The following KCNIP4 variants were observed in gnomAD, a reference collection of about 807,000 sequenced individuals.
KCNIP4 encodes the protein Kv channel-interacting protein 4.
KCNIP4 carries 12 observed loss-of-function variants against 34.0 expected under a neutral mutation model. The ratio of observed to expected loss-of-function variants is 0.35; its 90% CI spans 0.23 to 0.57. The LOEUF (loss-of-function observed/expected upper bound fraction) is 0.57. Ranked by LOEUF, KCNIP4 falls within the 20% of genes least tolerant of loss-of-function variation. KCNIP4 has a pLI of 0.83. For missense variants in KCNIP4, 238 were observed against 311.7 expected (o/e 0.76, Z 1.78); for synonymous variants, 124 against 102.2 (o/e 1.21, Z -1.29).
chr4:21,233,368 T>G (rs1460004930), intron 1 of KCNIP4, among the ~76,000 whole-genome samples: 2 of 152,052 alleles, frequency 1.3e-5, no homozygotes, highest in African/African-American at 4.8e-5. Flanking sequence ...TCCTCACTGT[T>G]TAACAGATAC....
intron 1 of KCNIP4, among the ~76,000 whole-genome samples, chr4:21,199,322 A>T (rs1007573742): frequency 6.6e-6 from 1 of 152,210 alleles, no homozygotes; most frequent in Non-Finnish European, 1.5e-5. Flanking sequence ...TCTGATGGCC[A>T]GTGATGATGA....
chr4:21,620,705 G>A (rs1443051180), intron 1 of KCNIP4, among the ~76,000 whole-genome samples: 2 of 152,178 alleles, frequency 1.3e-5, no homozygotes, highest in Non-Finnish European at 2.9e-5. Flanking sequence ...TTCCAACTAA[G>A]CCCAAACTGT....
chr4:21,875,983 A>G (rs188107909), intron 1 of KCNIP4, among the ~76,000 whole-genome samples: 2 of 152,296 alleles, frequency 1.3e-5, no homozygotes, highest in East Asian at 1.9e-4. Flanking sequence ...AGAAAAATCA[A>G]TTTAAGTTCT....
intron 1 of KCNIP4, among the ~76,000 whole-genome samples, chr4:21,569,383 T>C (rs1489040924): frequency 6.6e-6 from 1 of 151,750 alleles, no homozygotes; most frequent in Non-Finnish European, 1.5e-5. Flanking sequence ...TAAAACTGCT[T>C]ACCATGAGTG....
intron 1 of KCNIP4, among the ~76,000 whole-genome samples, chr4:21,365,488 A>AATAAATAAATAAATAG (rs1317359951): frequency 2.9e-5 from 3 of 102,796 alleles, no homozygotes; most frequent in African/African-American, 1.2e-4. Context: ...AAAATAAATA[A>AATAAATAAATAAATAG]ATAAATAAAT....
intron 1 of KCNIP4, among the ~76,000 whole-genome samples, chr4:21,099,944 T>C (rs893446252): frequency 6.6e-6 from 1 of 152,148 alleles, no homozygotes; most frequent in African/African-American, 2.4e-5. Context: ...ACTGAATATG[T>C]TACTGAGTTT....
intron 1 of KCNIP4, among the ~76,000 whole-genome samples, chr4:21,507,066 G>C (rs1400480388): frequency 6.6e-6 from 1 of 151,930 alleles, no homozygotes; most frequent in African/African-American, 2.4e-5. Flanking sequence ...ATCATTACAG[G>C]TGTGAGCCAC....
At chr4:21,725,495 T>A (rs1040828690) in intron 1 of KCNIP4, among the ~76,000 whole-genome samples, 25 of 152,308 alleles carry the variant, frequency 1.6e-4, no homozygotes, top group African/African-American at 5.5e-4. Flanking sequence ...AAGACACAAT[T>A]GCTATCTATG....
At chr4:21,434,458 C>A (rs1221094997) in intron 1 of KCNIP4, among the ~76,000 whole-genome samples, 3 of 152,038 alleles carry the variant, frequency 2.0e-5, no homozygotes, top group Non-Finnish European at 4.4e-5. Context: ...ACATTAGCAT[C>A]ATGTAACATT....
chr4:21,066,494 C>A (rs1577628605), intron 1 of KCNIP4, among the ~76,000 whole-genome samples: 1 of 152,254 alleles, frequency 6.6e-6, no homozygotes, highest in East Asian at 1.9e-4. Context: ...TCTTTAATCA[C>A]CTATACCATC....
intron 1 of KCNIP4, among the ~76,000 whole-genome samples, chr4:20,959,729 C>T (rs10024552): frequency 0.037 from 5,672 of 152,156 alleles, 301 homozygotes; most frequent in African/African-American, 0.12. Context: ...TTGAACCCTT[C>T]AACACAGAAA....
At chr4:20,929,133 T>A (rs1577382080) in intron 1 of KCNIP4, among the ~76,000 whole-genome samples, 1 of 152,012 alleles carries the variant, frequency 6.6e-6, no homozygotes, top group East Asian at 1.9e-4. Flanking sequence ...AAATTCTCAA[T>A]AAAATATTAG....
chr4:21,363,243 T>C (rs1719408131), intron 1 of KCNIP4, among the ~76,000 whole-genome samples: 1 of 152,180 alleles, frequency 6.6e-6, no homozygotes, highest in African/African-American at 2.4e-5. Context: ...GCCACAGCCC[T>C]GTGGCTCTCC....
chr4:21,504,475 A>AAAAAAAAAAAG (rs1264431211), intron 1 of KCNIP4, among the ~76,000 whole-genome samples: 109 of 101,864 alleles, frequency 1.1e-3, no homozygotes, highest in East Asian at 7.3e-3. Flanking sequence ...CAAAAAAAAA[A>AAAAAAAAAAAG]AAAGAAAGAA....
intron 1 of KCNIP4, among the ~76,000 whole-genome samples, chr4:21,560,651 T>C (rs1379387350): frequency 6.6e-6 from 1 of 152,062 alleles, no homozygotes; most frequent in Non-Finnish European, 1.5e-5. Flanking sequence ...AATATTAAGA[T>C]ATAAAAATGA....
intron 1 of KCNIP4, among the ~76,000 whole-genome samples, chr4:21,446,519 G>A (rs544593488): frequency 1.2e-3 from 184 of 150,762 alleles, no homozygotes; most frequent in African/African-American, 4.1e-3. Flanking sequence ...GCAAACTATC[G>A]CAAGCACAAA....
chr4:21,547,159 T>C (rs1185993936), intron 1 of KCNIP4, among the ~76,000 whole-genome samples: 4 of 151,924 alleles, frequency 2.6e-5, no homozygotes, highest in Non-Finnish European at 5.9e-5. Context: ...CAACTGAGTC[T>C]CCCAGCAGAA....
intron 1 of KCNIP4, chr4:21,316,213 C>G (rs937473758): frequency 6.6e-6 from 1 of 152,174 alleles, no homozygotes; most frequent in East Asian, 1.9e-4. Flanking sequence ...GGTTGACATA[C>G]TATGTCCTGT....
intron 1 of KCNIP4, among the ~76,000 whole-genome samples, chr4:21,793,822 G>T (rs1037299695): frequency 6.6e-6 from 1 of 151,998 alleles, no homozygotes; most frequent in African/African-American, 2.4e-5. Flanking sequence ...CTGCCATAAA[G>T]ACACATGCAC....
Sources: gnomAD v4.1 joint callset for allele counts (sites outside exome capture counted in the v4.1 genomes callset) on GRCh38, gnomAD v4.1.1 for gene constraint, MANE v1.5 for transcripts, NCBI Gene and HGNC (gene_info 2026-07-23, HGNC 2026-07-21) for gene names.